The following TTC6 variants were observed in gnomAD, a reference collection of about 807,000 sequenced individuals.
The protein encoded by TTC6 is tetratricopeptide repeat domain 6, also known as tetratricopeptide repeat protein 6.
TTC6 carries 172 observed loss-of-function variants against 210.4 expected under a neutral mutation model. That is an observed-to-expected ratio of 0.82 (90% CI 0.72 to 0.93). The LOEUF (loss-of-function observed/expected upper bound fraction) is 0.93, where lower values mean the gene tolerates loss of function less well. Ranked by LOEUF, TTC6 falls within the 40% of genes least tolerant of loss-of-function variation. The pLI is 0.00. For synonymous variants in TTC6, 804 were observed against 819.6 expected (o/e 0.98, Z 0.32); for missense variants, 2,414 against 2,318.1 (o/e 1.04, Z -0.85).
chr14:37,713,903 C>G (rs2095848491), intron 5 of TTC6, among the ~76,000 whole-genome samples: 1 of 152,118 alleles, frequency 6.6e-6, no homozygotes, highest in Non-Finnish European at 1.5e-5. Context: ...TTAGAGGGAA[C>G]AGTAGCTTTA....
chr14:37,725,312 G>GTATA (rs1169644241), intron 7 of TTC6, among the ~76,000 whole-genome samples: 31 of 33,866 alleles, frequency 9.2e-4, no homozygotes, highest in East Asian at 4.2e-3. Context: ...GTGTGTGTGT[G>GTATA]TATATATATA....
At chr14:37,764,195 A>G (rs1207418326) in intron 14 of TTC6, among the ~76,000 whole-genome samples, 1 of 152,074 alleles carries the variant, frequency 6.6e-6, no homozygotes, top group Non-Finnish European at 1.5e-5. Context: ...GGCCTAACAT[A>G]TGGTCTGTCC....
intron 1 of TTC6, among the ~76,000 whole-genome samples, chr14:37,664,593 A>G (rs570129973): frequency 2.4e-4 from 36 of 150,824 alleles, no homozygotes; most frequent in African/African-American, 8.7e-4. Context: ...AGGTATGGGC[A>G]AAGATTTCAA....
At chr14:37,805,764 G>A (rs1027566554) in intron 21 of TTC6, among the ~76,000 whole-genome samples, 5 of 151,986 alleles carry the variant, frequency 3.3e-5, no homozygotes, top group East Asian at 1.9e-4. Context: ...GCAGTGGCGC[G>A]ATCTCGGCTC....
At position 37,668,982 on chromosome 14, in the gene TTC6, A is replaced by AT. The variant is rs5807962; in HGVS notation, c.940-11168dup. 6.5e-3 allele frequency among the ~76,000 whole-genome samples: 989 copies of AT among 152,286 alleles called. 7 individuals are homozygous for AT. Among genetic ancestry groups the AT allele is most frequent in the African/African-American group, 0.02 (847 of 41,562 alleles). ...TTCTGTTAATCCAGACAGCCTTTCC[A>AT]TACCACCTACATGATAAGAGTCTGT... On this transcript the variant is annotated intron_variant, in intron 1 of 30. Coordinates refer to ENST00000553443, the Ensembl canonical transcript of TTC6.
At chr14:37,784,360 G>A (rs145155776) in intron 14 of TTC6, among the ~76,000 whole-genome samples, 2,399 of 152,180 alleles carry the variant, frequency 0.016, 72 homozygotes, top group African/African-American at 0.055. Flanking sequence ...GAATTGATCC[G>A]TTTACCATTA....
At chr14:37,701,270 G>A in intron 4 of TTC6, 62 bp from the exon 7 acceptor site, 1 of 1,173,978 alleles carries the variant, frequency 8.5e-7, no homozygotes, top group Non-Finnish European at 1.1e-6. Flanking sequence ...CAGTATAAAT[G>A]TACTTTATAT....
At chr14:37,835,148 G>A (rs1209180112) in intron 29 of TTC6, among the ~76,000 whole-genome samples, 1 of 152,230 alleles carries the variant, frequency 6.6e-6, no homozygotes, top group African/African-American at 2.4e-5. Flanking sequence ...GGCACTGGCA[G>A]TGAGGGCGGT....
At chr14:37,601,380 A>G (rs749850124) in intron 1 of TTC6, among the ~76,000 whole-genome samples, 10 of 152,230 alleles carry the variant, frequency 6.6e-5, no homozygotes, top group Non-Finnish European at 1.2e-4. Flanking sequence ...CCTGTAGCAT[A>G]GTAGACTTTG....
At chr14:37,728,353 G>A (rs1044136215) in intron 7 of TTC6, among the ~76,000 whole-genome samples, 9 of 152,088 alleles carry the variant, frequency 5.9e-5, no homozygotes, top group African/African-American at 2.2e-4. Flanking sequence ...GCTGAGGTGG[G>A]TGGATCACTT....
intron 17 of TTC6, among the ~76,000 whole-genome samples, chr14:37,793,916 A>G (rs1049219937): frequency 6.6e-6 from 1 of 152,194 alleles, no homozygotes; most frequent in Admixed American, 6.5e-5. Flanking sequence ...CTCACAAAAG[A>G]GTGTGAAGTG....
At chr14:37,687,006 G>A (rs568142033) in intron 3 of TTC6, among the ~76,000 whole-genome samples, 2 of 152,244 alleles carry the variant, frequency 1.3e-5, no homozygotes, top group South Asian at 4.2e-4. Flanking sequence ...TCCATTGATT[G>A]TCCCCTCCAC....
rs188463579 is a variant in TTC6 at position 37,761,083 on chromosome 14, A to G, written c.3266+7848A>G. Among the ~76,000 whole-genome samples, 310 of 152,234 alleles carry G rather than the reference A, an allele frequency of 2.0e-3. 2 individuals carry two copies. Among genetic ancestry groups the G allele is most frequent in the African/African-American group, 7.2e-3 (301 of 41,574 alleles). On this transcript the variant is annotated intron_variant, in intron 14 of 30. Coordinates refer to ENST00000553443, the Ensembl canonical transcript of TTC6. ...GGTACTAAAAAGAACTCCTGCAGCT[A>G]GCTCGGTGTCTGCCCAAACAGCCAC...
In TTC6 at chr14:37,806,355, C is replaced by T; in HGVS notation, c.4165-6C>T. ...TGGTTTGCATTTTGACAATATGCTC[C>T]TGTAGGCTTTTGATTCTTTTACAAA... On this transcript the variant is annotated splice_polypyrimidine_tract_variant and splice_region_variant and intron_variant, in intron 21 of 30. Transcript: ENST00000553443. 6.5e-7 allele frequency: 1 copy of T among 1,534,472 alleles called. No individual in the cohort carries two copies. Among genetic ancestry groups the T allele is most frequent in the Non-Finnish European group, 8.7e-7 (1 of 1,146,028 alleles).
intron 1 of TTC6, among the ~76,000 whole-genome samples, chr14:37,669,943 C>T (rs1358821985): frequency 6.6e-6 from 1 of 152,088 alleles, no homozygotes; most frequent in Non-Finnish European, 1.5e-5. Context: ...TAAAATTTAT[C>T]ATTTCCTCTC....
At chr14:37,749,982 T>C (rs1456213828) in intron 12 of TTC6, 139 bp downstream of exon 14, 3 of 492,690 alleles carry the variant, frequency 6.1e-6, no homozygotes, top group African/African-American at 6.0e-5. Context: ...TTTACTCTTG[T>C]TATTGTAAAT....
intron 7 of TTC6, among the ~76,000 whole-genome samples, chr14:37,733,576 A>T (rs1406949114): frequency 2.0e-5 from 3 of 152,182 alleles, no homozygotes; most frequent in Non-Finnish European, 2.9e-5. Flanking sequence ...GTTGAGAAGT[A>T]AGTCTTAAAT....
At chr14:37,660,285 G>C (rs970189759) in intron 1 of TTC6, among the ~76,000 whole-genome samples, 2 of 151,810 alleles carry the variant, frequency 1.3e-5, no homozygotes, top group Admixed American at 1.3e-4. Context: ...TTGTTATGTA[G>C]GTAAACGTGT....
At chr14:37,827,336 T>A in exon 29 of TTC6, 1 of 1,613,008 alleles carries the variant, frequency 6.2e-7, no homozygotes, top group Non-Finnish European at 8.5e-7. Context: ...ATGCAGGAAA[T>A]ATCTACTTTC....
Sources: gnomAD v4.1 joint callset for allele counts (sites outside exome capture counted in the v4.1 genomes callset) on GRCh38, gnomAD v4.1.1 for gene constraint, MANE v1.5 for transcripts, NCBI Gene and HGNC (gene_info 2026-07-23, HGNC 2026-07-21) for gene names.